ADAMTSL1: variants seen among roughly 807,000 people sequenced by gnomAD.
ADAMTSL1 encodes the protein ADAMTS-like protein 1.
In ADAMTSL1, 126 loss-of-function variants were observed where a neutral mutation model predicts 201.8. That is an observed-to-expected ratio of 0.62 (90% CI 0.54 to 0.72). The LOEUF is 0.72. Ranked by LOEUF, ADAMTSL1 falls within the 30% of genes least tolerant of loss-of-function variation. The pLI is 0.00. For missense variants in ADAMTSL1, 2,679 were observed against 2,277.8 expected, an observed-to-expected ratio of 1.18 and a Z score of -3.59; for synonymous variants, 1,121 against 903.4, an observed-to-expected ratio of 1.24 and a Z score of -4.32.
At chr9:18,606,280 A>G (rs1304993224) in intron 4 of ADAMTSL1, among the ~76,000 whole-genome samples, 1 of 152,202 alleles carries the variant, frequency 6.6e-6, no homozygotes, top group Non-Finnish European at 1.5e-5. Context: ...TCATATTATT[A>G]GGAAAAGCCT....
intron 14 of ADAMTSL1, among the ~76,000 whole-genome samples, chr9:18,709,149 T>A (rs1253324951): frequency 6.6e-6 from 1 of 152,212 alleles, no homozygotes; most frequent in Non-Finnish European, 1.5e-5. Flanking sequence ...AGGTAATATA[T>A]TTAAGCCTAA....
rs202141338 is a variant in ADAMTSL1, at chr9:18,753,308, G to C, written c.2017G>C (p.Gly673Arg). Residue 673 changes from glycine to arginine, a missense_variant, in exon 16 of 29, where the codon GGC becomes CGC. Physicochemically the swap from Gly to Arg is moderately radical, Grantham distance 125. Coordinates refer to ENST00000380548, the MANE Select transcript of ADAMTSL1 (RefSeq NM_001040272.6). The part of the protein sequence containing the change: ...LDPCPARWEI[G>R]KWSPCSLTCG... ...CTGATTTCTTCTCAGGTGGGAAATT[G>C]GCAAGTGGAGTCCATGTAGTCTCAC... 2.2e-5 allele frequency: 36 copies of C among 1,611,096 alleles called. No individual in the cohort carries two copies. Among genetic ancestry groups the C allele is most frequent in the Non-Finnish European group, 2.9e-5 (34 of 1,178,844 alleles).
At chr9:18,239,123 GC>G (rs1830961119) in intron 2 of ADAMTSL1, among the ~76,000 whole-genome samples, 2 of 152,258 alleles carry the variant, frequency 1.3e-5, no homozygotes, top group South Asian at 4.1e-4. Context: ...TAATCTTTTT[GC>G]TAGTGGAGGG....
At chr9:18,438,225 G>C (rs1281257401) in intron 2 of ADAMTSL1, among the ~76,000 whole-genome samples, 1 of 133,060 alleles carries the variant, frequency 7.5e-6, no homozygotes, top group South Asian at 2.3e-4. Context: ...GGGAGAGATG[G>C]AGAAAAAAAA....
intron 2 of ADAMTSL1, among the ~76,000 whole-genome samples, chr9:18,318,540 A>T (rs1471263649): frequency 6.6e-6 from 1 of 152,204 alleles, no homozygotes; most frequent in Non-Finnish European, 1.5e-5. Flanking sequence ...CTGTTTAAAA[A>T]CATTTTAGCA....
rs533703798 is a variant in ADAMTSL1 at position 18,169,725 on chromosome 9, A to G, written c.207+5744A>G. 7.0e-4 allele frequency among the ~76,000 whole-genome samples: 106 copies of G among 152,092 alleles called. 1 individual carries two copies. The highest frequency in any genetic ancestry group is 2.5e-3 in the African/African-American group (105 of 41,502). ...ATAAATTACCTTGGGCAGTATGGCTATTTTCATGATATTGATTCTTCCTAC... is the reference window on the plus strand; with the variant it reads ...ATAAATTACCTTGGGCAGTATGGCTGTTTTCATGATATTGATTCTTCCTAC... On this transcript the variant is annotated intron_variant, in intron 2 of 29. Transcript: ENST00000680146.
At chr9:18,287,050 G>A (rs1248501216) in intron 2 of ADAMTSL1, among the ~76,000 whole-genome samples, 2 of 152,114 alleles carry the variant, frequency 1.3e-5, no homozygotes, top group African/African-American at 2.4e-5. Context: ...ACAAATATGA[G>A]TTTCTTCCAT....
chr9:18,736,205 G>T (rs1341554263), intron 15 of ADAMTSL1, among the ~76,000 whole-genome samples: 1 of 152,150 alleles, frequency 6.6e-6, no homozygotes, highest in Non-Finnish European at 1.5e-5. Flanking sequence ...TCCCTCACAA[G>T]ATGCGCCCCA....
chr9:18,064,173 A>C (rs909308134), intron 1 of ADAMTSL1, among the ~76,000 whole-genome samples: 2 of 152,094 alleles, frequency 1.3e-5, no homozygotes, highest in Non-Finnish European at 2.9e-5. Context: ...TCCCCCTGGG[A>C]GTGTGCAGCT....
At chr9:18,374,204 A>G (rs983832139) in intron 2 of ADAMTSL1, among the ~76,000 whole-genome samples, 2 of 152,168 alleles carry the variant, frequency 1.3e-5, no homozygotes. Flanking sequence ...TTTTTGCCCT[A>G]GCATTTGCCC....
intron 10 of ADAMTSL1, 29 bp from the exon 11 acceptor site, chr9:18,680,283 T>A (rs777199616): frequency 6.2e-7 from 1 of 1,607,594 alleles, no homozygotes; most frequent in South Asian, 1.1e-5. Context: ...TGTGCATGTC[T>A]GCCCTGATGA....
At position 18,099,349 on chromosome 9, in the gene ADAMTSL1, ATATATATTTTTTTTTTTT is replaced by A. The variant is rs1334382011; in HGVS notation, c.88-64511_88-64494del. 4.5e-4 allele frequency among the ~76,000 whole-genome samples: 22 copies of A among 49,296 alleles called. 1 individual carries two copies. The highest frequency in any genetic ancestry group is 1.5e-3 in the African/African-American group (22 of 14,946). The allele number at this position is 49,296 out of a possible 152,430, so 32.3% of individuals were successfully genotyped here. A position where few individuals can be genotyped will look rare whatever the true frequency, so the allele number is the denominator to read the frequency against. On this transcript the variant is annotated intron_variant, in intron 1 of 29. Coordinates refer to the ADAMTSL1 transcript ENST00000680146. ...AAAATATATATATATATATATATAT[ATATATATTTTTTTTTTTT>A]TTTTTAACATCCATTAATTTTACTA...
At chr9:18,756,088 T>C (rs201187920) in intron 16 of ADAMTSL1, among the ~76,000 whole-genome samples, 1 of 21,742 alleles carries the variant, frequency 4.6e-5, no homozygotes, top group Non-Finnish European at 8.4e-5. Context: ...TATATATATA[T>C]ATATATATAT....
intron 1 of ADAMTSL1, among the ~76,000 whole-genome samples, chr9:17,973,757 G>A (rs1384246268): frequency 2.1e-5 from 3 of 143,200 alleles, no homozygotes; most frequent in Admixed American, 1.5e-4. Flanking sequence ...ACCTTGGGCA[G>A]TATGGCCATT....
intron 1 of ADAMTSL1, among the ~76,000 whole-genome samples, chr9:18,156,997 T>C (rs1403994340): frequency 6.6e-6 from 1 of 152,066 alleles, no homozygotes; most frequent in Non-Finnish European, 1.5e-5. Flanking sequence ...TCATCTTATA[T>C]ATGTCAAGGA....
intron 2 of ADAMTSL1, among the ~76,000 whole-genome samples, chr9:18,378,873 T>C (rs1837424589): frequency 6.6e-6 from 1 of 152,120 alleles, no homozygotes; most frequent in Non-Finnish European, 1.5e-5. Flanking sequence ...AAGACAGGGA[T>C]AGGGAATAAA....
At chr9:18,471,923 G>T (rs1158246681), upstream of ADAMTSL1, among the ~76,000 whole-genome samples, 1 of 152,158 alleles carries the variant, frequency 6.6e-6, no homozygotes, top group South Asian at 2.1e-4. Context: ...GCATGTAAGT[G>T]GTTCCCAGTT....
intron 1 of ADAMTSL1, among the ~76,000 whole-genome samples, chr9:18,476,620 C>A (rs560746360): frequency 6.6e-6 from 1 of 152,276 alleles, no homozygotes; most frequent in East Asian, 1.9e-4. Context: ...ATCAGCTCAA[C>A]CTTCAAACTT....
intron 16 of ADAMTSL1, among the ~76,000 whole-genome samples, chr9:18,767,946 A>T (rs1474964974): frequency 6.6e-6 from 1 of 152,232 alleles, no homozygotes; most frequent in Non-Finnish European, 1.5e-5. Context: ...AGCTGGTAGG[A>T]CTTGTAATGA....
Sources: allele counts gnomAD v4.1 joint callset (sites outside exome capture counted in the v4.1 genomes callset), GRCh38; gene constraint gnomAD v4.1.1; transcripts MANE v1.5; gene names NCBI Gene and HGNC (gene_info 2026-07-23, HGNC 2026-07-21).